Variants in MMEL1 observed in about 807,000 individuals in gnomAD.
The protein encoded by MMEL1 is membrane metalloendopeptidase like 1.
Under a neutral mutation model 117.1 loss-of-function variants are expected in MMEL1, and 98 were observed. The ratio of observed to expected loss-of-function variants is 0.84; its 90% CI spans 0.71 to 0.99. MMEL1 has a LOEUF of 0.99. Among genes scored for constraint, MMEL1 ranks in the 50% least tolerant of loss-of-function variants. The pLI, the probability that MMEL1 is intolerant of heterozygous loss-of-function variation, is 0.00. For missense variants in MMEL1, 1,014 were observed against 1,049.1 expected (o/e 0.97, Z 0.46); for synonymous variants, 390 against 415.1 (o/e 0.94, Z 0.74).
chr1:2,594,571 C>G (rs947322701), intron 17 of MMEL1, 128 bp from the exon 18 acceptor site: 56 of 1,213,708 alleles, frequency 4.6e-5, no homozygotes, highest in Non-Finnish European at 6.4e-5. Context: ...ATCCCAAGAT[C>G]TGGTTCCTTC....
intron 19 of MMEL1, 132 bp from the exon 20 acceptor site, chr1:2,593,098 T>A: frequency 8.4e-7 from 1 of 1,185,374 alleles, no homozygotes; most frequent in Non-Finnish European, 1.2e-6. Context: ...ACAGTCTGAG[T>A]AGGCTGAGCC....
At chr1:2,609,298 C>T (rs1471592062) in intron 6 of MMEL1, 41 bp downstream of exon 6, 3 of 1,581,298 alleles carry the variant, frequency 1.9e-6, no homozygotes, top group African/African-American at 2.7e-5. Context: ...CAGCCCGCCC[C>T]CGTCCCCTGC....
intron 16 of MMEL1, 63 bp from the exon 17 acceptor site, chr1:2,594,956 AG>A (rs1644809744): frequency 7.0e-7 from 1 of 1,423,044 alleles, no homozygotes; most frequent in Admixed American, 1.7e-5. Context: ...GCAAGGGGAG[AG>A]GTCCTGGGTG....
At chr1:2,594,002 T>G (rs769212505) in intron 18 of MMEL1, 69 bp from the exon 19 acceptor site, 20 of 1,507,756 alleles carry the variant, frequency 1.3e-5, no homozygotes, top group African/African-American at 9.7e-5. Flanking sequence ...GGCTCAGGGA[T>G]GGCGCTGCCA....
rs1638383490 is a variant in MMEL1, at chr1:2,628,598, AG to A, written c.154+732del. ...GGGCTGTGCCTGCGGAGGGGCTGGCAGGGGCGGCTGGAAGGTGACCAGGTCT... is the reference window on the plus strand; with the variant it reads ...GGGCTGTGCCTGCGGAGGGGCTGGCAGGGCGGCTGGAAGGTGACCAGGTCT... On this transcript the variant is annotated intron_variant, in intron 2 of 23. Coordinates refer to ENST00000378412, the MANE Select transcript of MMEL1 (RefSeq NM_033467.4). 1.4e-5 allele frequency among the ~76,000 whole-genome samples: 2 copies of A among 147,540 alleles called. 1 individual carries two copies. The highest frequency in any genetic ancestry group is 5.0e-5 in the African/African-American group (2 of 39,826).
chr1:2,591,564 T>C lies in MMEL1; in HGVS notation c.2233A>G (p.Lys745Glu), dbSNP rs751118925. 6 of 1,613,570 alleles carry C rather than the reference T, an allele frequency of 3.7e-6. No homozygotes were observed. Among genetic ancestry groups the C allele is most frequent in the Non-Finnish European group, 2.5e-6 (3 of 1,179,814 alleles). The change falls in exon 23 of 24, where the codon AAG becomes GAG. Residue 745 changes from lysine (K) to glutamate (E), a missense_variant. By Grantham distance (56) the Lys-to-Glu change is moderately conservative. Coordinates refer to ENST00000378412, the MANE Select transcript of MMEL1 (RefSeq NM_033467.4). ...SIKTDVHSPL[K>E]YRVLGSLQNL... is the part of the protein sequence containing the mutation. ...TGAGCATGGGAGACTTGCCTGTACT[T>C]CAGGGGACTGTGGACGTCTGTCTTG...
chr1:2,591,298 C>T, intron 23 of MMEL1: 2 of 596,456 alleles, frequency 3.4e-6, no homozygotes, highest in South Asian at 4.1e-5. Context: ...CAGAGATATT[C>T]CAACTCTGCA....
chr1:2,604,119 C>CCCTT, intron 10 of MMEL1, 28 bp downstream of exon 10: 2 of 1,510,106 alleles, frequency 1.3e-6, no homozygotes, highest in Non-Finnish European at 1.8e-6. Context: ...ACTCGCTGCC[C>CCCTT]GCTCCCCACC....
intron 2 of MMEL1, among the ~76,000 whole-genome samples, chr1:2,625,547 C>T (rs1001131094): frequency 4.6e-5 from 7 of 152,146 alleles, no homozygotes; most frequent in African/African-American, 7.2e-5. Flanking sequence ...TGAATCACAG[C>T]GGAGCCCTCT....
intron 13 of MMEL1, 94 bp downstream of exon 13, chr1:2,598,113 G>A (rs112057155): frequency 0.035 from 41,933 of 1,187,274 alleles, 890 homozygotes; most frequent in Middle Eastern, 0.077. Flanking sequence ...TGTGACCCTG[G>A]TGTGGACCTC....
At chr1:2,630,706 CG>C (rs1335715928) in intron 1 of MMEL1, among the ~76,000 whole-genome samples, 1 of 135,656 alleles carries the variant, frequency 7.4e-6, no homozygotes, top group Non-Finnish European at 1.6e-5. Context: ...CGTGTGTGCA[CG>C]TGTGTGACTG....
intron 2 of MMEL1, among the ~76,000 whole-genome samples, chr1:2,614,321 T>G (rs1218743261): frequency 1.3e-5 from 2 of 152,226 alleles, no homozygotes; most frequent in Non-Finnish European, 2.9e-5. Flanking sequence ...TCTATGAGAC[T>G]AAAGCAAAGG....
intron 13 of MMEL1, among the ~76,000 whole-genome samples, chr1:2,597,752 C>T (rs1297958002): frequency 2.0e-5 from 3 of 152,314 alleles, no homozygotes; most frequent in Admixed American, 1.3e-4. Context: ...GGCTTTCAGA[C>T]AGGGAGTACA....
chr1:2,631,713 C>T (rs1033165742), intron 1 of MMEL1, among the ~76,000 whole-genome samples: 5 of 152,146 alleles, frequency 3.3e-5, no homozygotes, highest in African/African-American at 9.7e-5. Flanking sequence ...CTGCTGTGCC[C>T]CTAGACACCC....
At chr1:2,607,542 C>T (rs934625022) in intron 6 of MMEL1, among the ~76,000 whole-genome samples, 31 of 151,932 alleles carry the variant, frequency 2.0e-4, no homozygotes, top group African/African-American at 5.1e-4. Flanking sequence ...CGGCTCAGCA[C>T]GGTGGGGCCC....
At chr1:2,628,173 C>T (rs1385136309) in intron 2 of MMEL1, among the ~76,000 whole-genome samples, 1 of 152,234 alleles carries the variant, frequency 6.6e-6, no homozygotes, top group Admixed American at 6.5e-5. Context: ...TTCCCTCCCC[C>T]ACTGCCCACC....
At position 2,601,902 on chromosome 1, in the gene MMEL1, C is replaced by T. The variant is rs111476578; in HGVS notation, c.1041+1982G>A. ...GAGAACGGACACCACCCAGCACGGG[C>T]GAGGGTGTGGCACCAGCCGCTGTTG... is the stretch of plus-strand genomic sequence containing the variant. On this transcript the variant is annotated intron_variant, in intron 11 of 23. Transcript: ENST00000378412. Among the ~76,000 whole-genome samples the T allele has an allele frequency of 3.2e-3, 484 of 152,336 alleles. 3 individuals are homozygous for T. Among genetic ancestry groups the T allele is most frequent in the South Asian group, 0.017 (84 of 4,820 alleles).
At position 2,591,000 on chromosome 1, in the gene MMEL1, C is replaced by G. The variant is rs564401130; in HGVS notation, c.2330G>C (p.Arg777Pro). Reference sequence around the variant, plus strand: ...GCGGCAGGGCCTTGGCTACCACACGCGGCATCGCTCCTTGGGGTGCATGGG... The same window carrying G: ...GCGGCAGGGCCTTGGCTACCACACGGGGCATCGCTCCTTGGGGTGCATGGG... ...GTPMHPKERC[R>P]VW The change falls in exon 24 of 24, where the codon CGC (arginine) becomes CCC (proline). Residue 777 changes from arginine to proline, a missense_variant. By Grantham distance (103) the Arg-to-Pro change is moderately radical (BLOSUM62 -2). Transcript: ENST00000378412. 1 of 1,590,982 alleles carries G rather than the reference C, an allele frequency of 6.3e-7. No homozygotes were observed. The highest frequency in any genetic ancestry group is 8.5e-7 in the Non-Finnish European group (1 of 1,170,698).
intron 8 of MMEL1, 91 bp from the exon 9 acceptor site, chr1:2,605,714 G>C (rs1184675117): frequency 4.2e-6 from 4 of 953,670 alleles, no homozygotes; most frequent in African/African-American, 1.6e-5. Flanking sequence ...CCACAGGACT[G>C]TGCCCCGTGC....
Sources: gnomAD v4.1 joint callset for allele counts (sites outside exome capture counted in the v4.1 genomes callset) on GRCh38, gnomAD v4.1.1 for gene constraint, MANE v1.5 for transcripts, NCBI Gene and HGNC (gene_info 2026-07-23, HGNC 2026-07-21) for gene names.